Variants in ATP11A observed in about 807,000 individuals in gnomAD.
ATP11A encodes the protein ATPase phospholipid transporting 11A, also known as phospholipid-transporting ATPase IH.
Under a neutral mutation model 154.4 loss-of-function variants are expected in ATP11A, and 81 were observed. The ratio of observed to expected loss-of-function variants is 0.52; its 90% CI spans 0.44 to 0.63. The LOEUF is 0.63. ATP11A is among the 30% of genes least tolerant of loss of function. The pLI is 0.00. For synonymous variants in ATP11A, 623 were observed against 585.9 expected (o/e 1.06, Z -0.91); for missense variants, 1,316 against 1,474.3 (o/e 0.89, Z 1.76).
intron 17 of ATP11A, among the ~76,000 whole-genome samples, chr13:112,845,293 AG>A (rs1472699105): frequency 1.0e-4 from 12 of 118,184 alleles, no homozygotes; most frequent in African/African-American, 5.0e-4. Flanking sequence ...TCCAGTTGCC[AG>A]GCACTAGTGG....
At chr13:112,819,836 A>G (rs2078747669) in intron 7 of ATP11A, 64 bp from the exon 8 acceptor site, 8 of 1,575,216 alleles carry the variant, frequency 5.1e-6, no homozygotes, top group Non-Finnish European at 6.1e-6. Context: ...CAGGTGGGCC[A>G]GGCGCGCGCT....
At chr13:112,732,841 G>A (rs370829929) in intron 1 of ATP11A, among the ~76,000 whole-genome samples, 2 of 152,266 alleles carry the variant, frequency 1.3e-5, no homozygotes, top group South Asian at 2.1e-4. Context: ...TTGAACTCCC[G>A]ACCTCAGGTG....
intron 1 of ATP11A, among the ~76,000 whole-genome samples, chr13:112,763,166 A>G (rs1392797837): frequency 6.6e-6 from 1 of 152,230 alleles, no homozygotes; most frequent in Non-Finnish European, 1.5e-5. Context: ...AATCCCAGGT[A>G]CACGTTATAA....
chr13:112,757,149 C>T (rs967855726), intron 1 of ATP11A, among the ~76,000 whole-genome samples: 3 of 152,202 alleles, frequency 2.0e-5, no homozygotes, highest in Non-Finnish European at 4.4e-5. Flanking sequence ...TATGCAAGCT[C>T]GTGGATTTAG....
Position 112,857,485 on chromosome 13 carries a change from T to A in ATP11A, c.2419-333T>A, listed in dbSNP as rs533411465. Among the ~76,000 whole-genome samples, 8 of 152,336 alleles carry A rather than the reference T, an allele frequency of 5.3e-5. No individual in the cohort carries two copies. The South Asian group carries it at 1.7e-3, about 32-fold the overall frequency. On this transcript the variant is annotated intron_variant, in intron 20 of 29. Transcript: ENST00000375645. The stretch of plus-strand genomic sequence containing the variant: ...TATTTTCCCAGGATTTACACACTTT[T>A]CCATATATTTAAGTAGAGGAATATA...
chr13:112,860,515 C>A, intron 24 of ATP11A, 101 bp downstream of exon 24: 1 of 1,405,484 alleles, frequency 7.1e-7, no homozygotes. Context: ...CAGTTGAGGG[C>A]CAGAAGCATT....
At chr13:112,856,170 G>C (rs1030435528) in intron 20 of ATP11A, 85 bp downstream of exon 20, 1 of 1,354,270 alleles carries the variant, frequency 7.4e-7, no homozygotes, top group Non-Finnish European at 1.0e-6. Flanking sequence ...GCCTCAGATT[G>C]TTAAACAATC....
At chr13:112,840,394 C>T (rs1488649658) in intron 16 of ATP11A, among the ~76,000 whole-genome samples, 1 of 115,844 alleles carries the variant, frequency 8.6e-6, no homozygotes, top group Non-Finnish European at 1.8e-5. Flanking sequence ...TCTCTCATCC[C>T]CCCTGCCTCA....
intron 1 of ATP11A, among the ~76,000 whole-genome samples, chr13:112,704,793 T>C (rs1886960569): frequency 6.6e-6 from 1 of 152,248 alleles, no homozygotes; most frequent in South Asian, 2.1e-4. Context: ...AAAGAGGATT[T>C]CCTCCAACCT....
At chr13:112,783,288 C>CT (rs1346539617) in intron 1 of ATP11A, among the ~76,000 whole-genome samples, 4 of 152,208 alleles carry the variant, frequency 2.6e-5, no homozygotes, top group Admixed American at 1.3e-4. Context: ...CCCTGCCTGC[C>CT]TTTTTTGGCT....
intron 2 of ATP11A, among the ~76,000 whole-genome samples, chr13:112,789,458 C>T (rs961722548): frequency 6.9e-6 from 1 of 144,610 alleles, no homozygotes; most frequent in African/African-American, 2.7e-5. Flanking sequence ...ACATATAGAC[C>T]CTTGCGGAGA....
chr13:112,801,710 C>T (rs432639), intron 2 of ATP11A, among the ~76,000 whole-genome samples: 37,437 of 152,078 alleles, frequency 0.25, 4,964 homozygotes, highest in East Asian at 0.43. Flanking sequence ...CCAAATTACA[C>T]AGGTATAAAT....
intron 1 of ATP11A, among the ~76,000 whole-genome samples, chr13:112,758,170 T>C (rs1399286007): frequency 6.6e-6 from 1 of 152,140 alleles, no homozygotes; most frequent in Non-Finnish European, 1.5e-5. Flanking sequence ...CAAGCAATTC[T>C]CCTGCCTCAA....
At chr13:112,773,268 C>T (rs12430575) in intron 1 of ATP11A, among the ~76,000 whole-genome samples, 7,698 of 152,286 alleles carry the variant, frequency 0.051, 258 homozygotes, top group Admixed American at 0.11. Context: ...GGCTGTAAAC[C>T]GCTTAGTGGT....
Position 112,746,011 on chromosome 13 carries a change from C to T in ATP11A, c.40-39124C>T, listed in dbSNP as rs1014928730. The T allele has an allele frequency of 2.0e-5, 3 of 152,362 alleles. No homozygotes were observed. Among genetic ancestry groups the T allele is most frequent in the South Asian group, 4.1e-4 (2 of 4,826 alleles). The allele number at this position is 152,362 out of a possible 1,614,324, so 9.4% of individuals were successfully genotyped here. On this transcript the variant is annotated intron_variant, in intron 1 of 29. Transcript: ENST00000375645. The surrounding 1 kb of genome is among the most constrained non-coding windows in gnomAD (Gnocchi z 4.1). ...ACTTTAGATACGTCATTTCAGTGGA[C>T]TCATCCTGTGTCGTTTTGTGGCGGA...
chr13:112,876,922 A>G (rs1040227286), intron 28 of ATP11A, among the ~76,000 whole-genome samples: 2 of 152,152 alleles, frequency 1.3e-5, no homozygotes, highest in African/African-American at 4.8e-5. Context: ...CCCACCTCCA[A>G]CAATCAGAAT....
At chr13:112,788,831 A>G (rs540907672) in intron 2 of ATP11A, among the ~76,000 whole-genome samples, 2 of 151,476 alleles carry the variant, frequency 1.3e-5, no homozygotes, top group Admixed American at 1.3e-4. Context: ...CCTGACCTGT[A>G]GACCCCTGTG....
chr13:112,869,597 A>T (rs539856949), intron 25 of ATP11A, among the ~76,000 whole-genome samples: 10 of 152,300 alleles, frequency 6.6e-5, no homozygotes, highest in South Asian at 2.1e-4. Context: ...TGGGATGGCC[A>T]AGGTGAGGCC....
At chr13:112,824,568 T>C in intron 10 of ATP11A, 143 bp downstream of exon 10, 1 of 719,522 alleles carries the variant, frequency 1.4e-6, no homozygotes, top group Admixed American at 2.3e-5. Flanking sequence ...ACCATTCAGA[T>C]GGTCTTTCTT....
Sources: allele counts gnomAD v4.1 joint callset (sites outside exome capture counted in the v4.1 genomes callset), GRCh38; gene constraint gnomAD v4.1.1; non-coding constraint Gnocchi (gnomAD v3.1); transcripts MANE v1.5; gene names NCBI Gene and HGNC (gene_info 2026-07-23, HGNC 2026-07-21).